The following ROBO2 variants were observed in gnomAD, a reference collection of about 807,000 sequenced individuals.
ROBO2 encodes the protein roundabout guidance receptor 2.
In ROBO2, 53 loss-of-function variants were observed where a neutral mutation model predicts 160.8. The ratio of observed to expected loss-of-function variants is 0.33; its 90% CI spans 0.26 to 0.41. ROBO2 has a LOEUF of 0.41. Ranked by LOEUF, ROBO2 falls within the 10% of genes least tolerant of loss-of-function variation. The pLI is 1.00. For missense variants in ROBO2, 1,577 were observed against 1,722.4 expected (o/e 0.92, Z 1.49); for synonymous variants, 664 against 611.7 (o/e 1.09, Z -1.26).
At chr3:77,395,548 A>C (rs368833848) in intron 2 of ROBO2, among the ~76,000 whole-genome samples, 2 of 152,174 alleles carry the variant, frequency 1.3e-5, no homozygotes, top group East Asian at 1.9e-4. Flanking sequence ...TGTTTGGATT[A>C]ATCGAATGCC....
chr3:76,339,635 A>C (rs937336516), intron 2 of ROBO2, among the ~76,000 whole-genome samples: 1 of 152,138 alleles, frequency 6.6e-6, no homozygotes, highest in Non-Finnish European at 1.5e-5. Flanking sequence ...TCTCCTTAGC[A>C]AATTGGAATC....
intron 2 of ROBO2, among the ~76,000 whole-genome samples, chr3:76,077,762 A>C (rs1222015207): frequency 1.3e-5 from 2 of 152,206 alleles, no homozygotes. Flanking sequence ...ATGGATAAAC[A>C]TTAAAATACA....
chr3:77,377,424 A>T (rs2153482521), intron 2 of ROBO2, among the ~76,000 whole-genome samples: 1 of 152,298 alleles, frequency 6.6e-6, no homozygotes, highest in East Asian at 1.9e-4. Context: ...TATACTATAC[A>T]ATTTTTTGTC....
At chr3:76,348,515 C>T (rs2074674157) in intron 2 of ROBO2, among the ~76,000 whole-genome samples, 1 of 152,120 alleles carries the variant, frequency 6.6e-6, no homozygotes, top group Admixed American at 6.6e-5. Context: ...AATTAGGCTA[C>T]TTCTCCTGAA....
intron 2 of ROBO2, among the ~76,000 whole-genome samples, chr3:76,773,929 G>A (rs1449084252): frequency 6.6e-6 from 1 of 150,956 alleles, no homozygotes; most frequent in East Asian, 2.0e-4. Context: ...CTGGAGCTGT[G>A]AAATTTGCTC....
chr3:76,753,530 C>G (rs1490013142), intron 2 of ROBO2, among the ~76,000 whole-genome samples: 1 of 151,714 alleles, frequency 6.6e-6, no homozygotes, highest in African/African-American at 2.4e-5. Context: ...CTGATTTTGG[C>G]AAGCTCTCTG....
intron 7 of ROBO2, among the ~76,000 whole-genome samples, chr3:77,549,392 G>A (rs971330741): frequency 6.6e-6 from 1 of 151,876 alleles, no homozygotes; most frequent in African/African-American, 2.4e-5. Flanking sequence ...CGTTTATTTT[G>A]ATAATACATT....
intron 2 of ROBO2, among the ~76,000 whole-genome samples, chr3:76,141,161 A>C (rs13320416): frequency 4.4e-3 from 265 of 59,856 alleles, no homozygotes; most frequent in African/African-American, 5.4e-3. Context: ...CTCTCTCTCT[A>C]TATATATATA....
chr3:77,546,463 G>T lies in ROBO2; in HGVS notation c.1059+1G>T. 6.2e-7 allele frequency: 1 copy of T among 1,613,020 alleles called. No homozygotes were observed. Among genetic ancestry groups the T allele is most frequent in the Non-Finnish European group, 8.5e-7 (1 of 1,179,196 alleles). ...TTTTTGGCAGAAAGAAGGCAGCCAG[G>T]TGAGTGTGAGGCTTCACTGCTTTTC... On this transcript the variant is annotated splice_donor_variant, in intron 7 of 25. Coordinates refer to ENST00000461745, the Ensembl canonical transcript of ROBO2. LOFTEE classifies it high-confidence loss of function.
intron 2 of ROBO2, among the ~76,000 whole-genome samples, chr3:76,991,948 A>G (rs960551381): frequency 6.6e-6 from 1 of 152,150 alleles, no homozygotes; most frequent in African/African-American, 2.4e-5. Context: ...TGGTATACAT[A>G]TGGGACACTG....
intron 13 of ROBO2, among the ~76,000 whole-genome samples, chr3:77,572,444 G>C (rs2093660441): frequency 6.6e-6 from 1 of 151,754 alleles, no homozygotes; most frequent in Admixed American, 6.6e-5. Context: ...ACATAAACTG[G>C]TAGCATGAAT....
chr3:76,261,831 G>T, intron 2 of ROBO2, among the ~76,000 whole-genome samples: 1 of 151,906 alleles, frequency 6.6e-6, no homozygotes. Context: ...ATATTTCATA[G>T]TAGGTAGTAC....
rs1325310874 is a variant in ROBO2 at position 76,884,593 on chromosome 3, A to C, written c.110-213421A>C. ...CCTTTGACTCAGTTCTCAGCTTTGC[A>C]ATCTAGGAACATAGTTGTCAGCAAC... On this transcript the variant is annotated intron_variant, in intron 2 of 26. Transcript: ENST00000487694. Among the ~76,000 whole-genome samples, 3 of 152,228 alleles carry C rather than the reference A, an allele frequency of 2.0e-5. No homozygotes were observed. The East Asian group carries it at 5.8e-4, about 29-fold the overall frequency.
chr3:76,654,545 G>C (rs767343682), intron 2 of ROBO2, among the ~76,000 whole-genome samples: 30 of 152,028 alleles, frequency 2.0e-4, no homozygotes, highest in Non-Finnish European at 3.7e-4. Flanking sequence ...ACACCACACA[G>C]ATCATGGCTT....
rs536239213 is a variant in ROBO2, at chr3:77,368,850, T to C, written c.389-108564T>C. 3.9e-5 allele frequency among the ~76,000 whole-genome samples: 6 copies of C among 152,312 alleles called. No homozygotes were observed. In the South Asian group the frequency reaches 1.2e-3, roughly 32 times the overall value. On this transcript the variant is annotated intron_variant, in intron 2 of 25. Coordinates refer to ENST00000461745, the Ensembl canonical transcript of ROBO2. Reference sequence around the variant, plus strand: ...AAACGTCAAAGTTGGGTATTTATCTTTTATTTGACAAAATTCATATATATG... The same window carrying C: ...AAACGTCAAAGTTGGGTATTTATCTCTTATTTGACAAAATTCATATATATG...
intron 2 of ROBO2, among the ~76,000 whole-genome samples, chr3:76,753,667 A>T (rs527363434): frequency 6.6e-6 from 1 of 151,922 alleles, no homozygotes; most frequent in South Asian, 2.1e-4. Flanking sequence ...ACTGAAAAAG[A>T]GTAAAAAAAG....
intron 2 of ROBO2, among the ~76,000 whole-genome samples, chr3:77,161,908 T>C (rs115241174): frequency 5.7e-4 from 87 of 152,206 alleles, no homozygotes; most frequent in African/African-American, 2.0e-3. Flanking sequence ...AATTAATAAC[T>C]TCATCCAAAT....
intron 2 of ROBO2, among the ~76,000 whole-genome samples, chr3:76,304,915 G>C (rs1000641321): frequency 2.0e-5 from 3 of 151,602 alleles, no homozygotes; most frequent in African/African-American, 7.3e-5. Flanking sequence ...CTCAAGCGGG[G>C]TAAATCCACC....
intron 2 of ROBO2, among the ~76,000 whole-genome samples, chr3:76,732,654 GAAGA>G (rs995431142): frequency 6.6e-6 from 1 of 152,212 alleles, no homozygotes; most frequent in African/African-American, 2.4e-5. Flanking sequence ...ATGGTTGACA[GAAGA>G]AAGAAAGAAA....
Sources: gnomAD v4.1 joint callset for allele counts (sites outside exome capture counted in the v4.1 genomes callset) on GRCh38, gnomAD v4.1.1 for gene constraint, MANE v1.5 for transcripts, NCBI Gene and HGNC (gene_info 2026-07-23, HGNC 2026-07-21) for gene names.